The following HHAT variants were observed in gnomAD, a reference collection of about 807,000 sequenced individuals.
The protein encoded by HHAT is protein-cysteine N-palmitoyltransferase HHAT.
In HHAT, 47 loss-of-function variants were observed where a neutral mutation model predicts 70.8. The observed-to-expected ratio is 0.66, with a 90% CI of 0.53 to 0.85. The LOEUF is 0.85. Ranked by LOEUF, HHAT falls within the 40% of genes least tolerant of loss-of-function variation. The pLI is 0.00. For missense variants in HHAT, 609 were observed against 604.8 expected (o/e 1.01, Z -0.07); for synonymous variants, 228 against 247.6 (o/e 0.92, Z 0.74).
At chr1:210,382,516 G>A (rs1185019660) in intron 3 of HHAT, among the ~76,000 whole-genome samples, 1 of 152,180 alleles carries the variant, frequency 6.6e-6, no homozygotes, top group Non-Finnish European at 1.5e-5. Flanking sequence ...GCATCTAGGA[G>A]ACAGATTTAA....
chr1:210,342,487 C>G (rs995266667), intron 1 of HHAT, among the ~76,000 whole-genome samples: 1 of 152,164 alleles, frequency 6.6e-6, no homozygotes, highest in African/African-American at 2.4e-5. Flanking sequence ...ATAGTGCAAT[C>G]TCATTTGTGT....
intron 7 of HHAT, among the ~76,000 whole-genome samples, chr1:210,437,624 C>T (rs753635201): frequency 6.6e-6 from 1 of 151,830 alleles, no homozygotes; most frequent in Non-Finnish European, 1.5e-5. Flanking sequence ...CCCATTAGGA[C>T]GGCTGTGGAA....
chr1:210,418,307 G>C lies in HHAT; in HGVS notation c.838G>C (p.Val280Leu). Residue 280 changes from valine to leucine, a missense_variant, in exon 7 of 12, where the codon GTC becomes CTC. Val to Leu is a conservative substitution (Grantham distance 32). Transcript: ENST00000261458. Reference protein sequence around the residue: ...IYSSIPLLETVSCWTLGGLAL... With the variant: ...IYSSIPLLETLSCWTLGGLAL... Reference sequence around the variant, plus strand: ...CAGCAGCATCCCCCTCCTGGAGACTGTCTCTTGTTGGACCTTAGGTAATTG... The same window carrying C: ...CAGCAGCATCCCCCTCCTGGAGACTCTCTCTTGTTGGACCTTAGGTAATTG... 6.3e-7 allele frequency: 1 copy of C among 1,597,442 alleles called. No homozygotes were observed. Among genetic ancestry groups the C allele is most frequent in the Non-Finnish European group, 8.5e-7 (1 of 1,171,274 alleles).
At chr1:210,421,255 C>A (rs534229988) in intron 7 of HHAT, among the ~76,000 whole-genome samples, 61 of 152,070 alleles carry the variant, frequency 4.0e-4, no homozygotes, top group Non-Finnish European at 6.9e-4. Flanking sequence ...CTGTAGTAAC[C>A]AAAACATCAT....
In HHAT at chr1:210,586,021, T is replaced by TTAG. The variant is rs1030697237; in HGVS notation, c.1044-1876_1044-1874dup. Among the ~76,000 whole-genome samples the TTAG allele has an allele frequency of 1.7e-4, 26 of 152,116 alleles. 1 individual carries two copies. Among genetic ancestry groups the TTAG allele is most frequent in the Admixed American group, 1.0e-3 (16 of 15,264 alleles). On this transcript the variant is annotated intron_variant, in intron 9 of 11. Transcript: ENST00000261458. ...ACACCAAGGTTGAGGCCTAGAGAGC[T>TTAG]TAGAGGAGCTTGACTAAAGTTTAGT... is the stretch of plus-strand genomic sequence containing the variant.
At chr1:210,655,342 A>G (rs1676161093) in intron 11 of HHAT, among the ~76,000 whole-genome samples, 2 of 152,152 alleles carry the variant, frequency 1.3e-5, no homozygotes, top group South Asian at 4.2e-4. Context: ...TTCTCCTCTG[A>G]TCCATGTCAA....
At chr1:210,618,980 A>C (rs181437840) in intron 10 of HHAT, among the ~76,000 whole-genome samples, 207 of 152,310 alleles carry the variant, frequency 1.4e-3, no homozygotes, top group African/African-American at 4.7e-3. Context: ...GGAAGTTTAA[A>C]GCCAAGTGTT....
chr1:210,653,973 G>A (rs1574023783), intron 11 of HHAT, among the ~76,000 whole-genome samples: 3 of 142,942 alleles, frequency 2.1e-5, no homozygotes, highest in Non-Finnish European at 3.0e-5. Flanking sequence ...CGGGAATAGT[G>A]TGATGGGAAT....
At chr1:210,524,266 A>G (rs1392035219) in intron 9 of HHAT, among the ~76,000 whole-genome samples, 2 of 152,204 alleles carry the variant, frequency 1.3e-5, no homozygotes, top group Admixed American at 6.5e-5. Flanking sequence ...ATTTTTTTAA[A>G]TGGAAGAACA....
chr1:210,486,522 C>T (rs1447338015), intron 8 of HHAT, among the ~76,000 whole-genome samples: 1 of 152,152 alleles, frequency 6.6e-6, no homozygotes, highest in African/African-American at 2.4e-5. Flanking sequence ...GTGTACTTAC[C>T]TGCTAGCCAC....
chr1:210,514,911 T>C (rs2095028679), intron 9 of HHAT, among the ~76,000 whole-genome samples: 1 of 152,232 alleles, frequency 6.6e-6, no homozygotes, highest in African/African-American at 2.4e-5. Flanking sequence ...CGATCCCTCT[T>C]CTCTTTCCTT....
intron 2 of HHAT, among the ~76,000 whole-genome samples, chr1:210,353,075 A>G (rs1326012747): frequency 6.6e-6 from 1 of 151,918 alleles, no homozygotes; most frequent in Non-Finnish European, 1.5e-5. Context: ...AGCTGGGACT[A>G]CAGGTGCATG....
intron 10 of HHAT, among the ~76,000 whole-genome samples, chr1:210,609,499 TTTTTTC>T (rs1439695805): frequency 2.0e-5 from 3 of 152,134 alleles, no homozygotes; most frequent in African/African-American, 4.8e-5. Context: ...TATGGTAACT[TTTTTTC>T]TTTATTTTTT....
At chr1:210,626,138 C>A (rs1031682028) in intron 11 of HHAT, among the ~76,000 whole-genome samples, 13 of 152,144 alleles carry the variant, frequency 8.5e-5, no homozygotes, top group African/African-American at 3.1e-4. Flanking sequence ...CAATTAACCA[C>A]GGAGCTGTGT....
intron 7 of HHAT, among the ~76,000 whole-genome samples, chr1:210,420,686 A>T (rs76666650): frequency 1.3e-5 from 2 of 150,448 alleles, no homozygotes; most frequent in East Asian, 3.9e-4. Flanking sequence ...AAAAAAAAAA[A>T]CAAAGAAATA....
At chr1:210,628,403 T>G (rs771615188) in intron 11 of HHAT, among the ~76,000 whole-genome samples, 25 of 152,266 alleles carry the variant, frequency 1.6e-4, no homozygotes, top group Admixed American at 5.2e-4. Flanking sequence ...GTGATAATGT[T>G]GCAGTGACAA....
At chr1:210,510,403 T>A (rs1407726908) in intron 8 of HHAT, among the ~76,000 whole-genome samples, 1 of 152,152 alleles carries the variant, frequency 6.6e-6, no homozygotes, top group South Asian at 2.1e-4. Context: ...AAAGCACAAA[T>A]ACTGTATGAC....
At chr1:210,461,308 T>C (rs1365088532) in intron 7 of HHAT, among the ~76,000 whole-genome samples, 2 of 151,932 alleles carry the variant, frequency 1.3e-5, no homozygotes, top group African/African-American at 4.8e-5. Flanking sequence ...ATTTTTCTTT[T>C]TTCTTTTTTG....
intron 9 of HHAT, among the ~76,000 whole-genome samples, chr1:210,569,399 A>AAAAAC (rs1558182185): frequency 6.7e-6 from 1 of 148,368 alleles, no homozygotes; most frequent in Non-Finnish European, 1.5e-5. Context: ...AAAAAAAAAA[A>AAAAAC]GCGTATAGCA....
Sources: gnomAD v4.1 joint callset for allele counts (sites outside exome capture counted in the v4.1 genomes callset) on GRCh38, gnomAD v4.1.1 for gene constraint, MANE v1.5 for transcripts, NCBI Gene and HGNC (gene_info 2026-07-23, HGNC 2026-07-21) for gene names.